NT5C1A: variants seen among roughly 807,000 people sequenced by gnomAD.
NT5C1A encodes the protein cytosolic 5'-nucleotidase 1A.
Under a neutral mutation model 31.0 loss-of-function variants are expected in NT5C1A, and 18 were observed. The ratio of observed to expected loss-of-function variants is 0.58; its 90% CI spans 0.40 to 0.86. NT5C1A has a LOEUF of 0.86. NT5C1A is among the 40% of genes least tolerant of loss of function. The pLI, the probability that NT5C1A is intolerant of heterozygous loss-of-function variation, is 0.00. For synonymous variants in NT5C1A, 185 were observed against 203.6 expected (o/e 0.91, Z 0.78); for missense variants, 470 against 505.4 (o/e 0.93, Z 0.67).
At chr1:39,669,037 T>C (rs999344773) in intron 1 of NT5C1A, among the ~76,000 whole-genome samples, 1 of 152,074 alleles carries the variant, frequency 6.6e-6, no homozygotes, top group Non-Finnish European at 1.5e-5. Flanking sequence ...GAGGTGGCCA[T>C]GTGTTGGCAG....
rs534701922 is a variant in NT5C1A at position 39,663,464 on chromosome 1, G to A, written c.434-30C>T. The stretch of plus-strand genomic sequence containing the variant: ...GAAGGAGGTAAAGGACCCAGGTGAG[G>A]CCAGGGTCAACCCTGGGCTTCAGGG... On this transcript the variant is annotated intron_variant, in intron 3 of 5. Transcript: ENST00000235628. The A allele has an allele frequency of 3.7e-6, 6 of 1,612,518 alleles. No homozygotes were observed. The African/African-American group carries it at 4.0e-5, about 11-fold the overall frequency.
chr1:39,658,319 T>C lies in NT5C1A; in HGVS notation c.*802A>G, dbSNP rs1646473700. ...CAGGTTAGAGAATCACATGAGCAGATAGGTCATCTTGTCCAGTGGTTTCAA... is the reference window on the plus strand; with the variant it reads ...CAGGTTAGAGAATCACATGAGCAGACAGGTCATCTTGTCCAGTGGTTTCAA... On this transcript the variant is annotated 3_prime_UTR_variant, in exon 6 of 6. Coordinates refer to ENST00000235628, the MANE Select transcript of NT5C1A (RefSeq NM_032526.3). Among the ~76,000 whole-genome samples, 1 of 152,216 alleles carries C rather than the reference T, an allele frequency of 6.6e-6. No homozygotes were observed. Among genetic ancestry groups the C allele is most frequent in the South Asian group, 2.1e-4 (1 of 4,828 alleles).
Position 39,663,420 on chromosome 1 carries a change from T to C in NT5C1A, c.448A>G (p.Arg150Gly). The C allele has an allele frequency of 6.2e-7, 1 of 1,613,984 alleles. No homozygotes were observed. Among genetic ancestry groups the C allele is most frequent in the East Asian group, 2.2e-5 (1 of 44,874 alleles). Residue 150 changes from arginine (R) to glycine (G), a missense_variant, in exon 4 of 6, where the codon AGG becomes GGG. Coordinates refer to ENST00000235628, the MANE Select transcript of NT5C1A (RefSeq NM_032526.3). Reference sequence around the variant, plus strand: ...CTGTTCCCACCTGTCATGCAGAACCTCTCGATGAACAGGTCTGGGAAGGAG... The same window carrying C: ...CTGTTCCCACCTGTCATGCAGAACCCCTCGATGAACAGGTCTGGGAAGGAG... ...SINHYDLFIE[R>G]FCMTGGNSPI...
rs918573641 is a variant in NT5C1A, at chr1:39,651,402, C to T, written c.*7719G>A. Among the ~76,000 whole-genome samples the T allele has an allele frequency of 2.6e-5, 4 of 152,112 alleles. No individual in the cohort carries two copies. Among genetic ancestry groups the T allele is most frequent in the African/African-American group, 4.8e-5 (2 of 41,420 alleles). ...TACAAAGAGCCAGACAGGTCTGGAT[C>T]GATGGGGTGTGCTACTAGTAGGCCA... On this transcript the variant is annotated 3_prime_UTR_variant, in exon 6 of 6. Coordinates refer to ENST00000235628, the MANE Select transcript of NT5C1A (RefSeq NM_032526.3).
rs775586267 is a variant in NT5C1A, at chr1:39,666,201, G to A, written c.171C>T (p.Ser57=). 5 of 1,613,620 alleles carry A rather than the reference G, an allele frequency of 3.1e-6. No homozygotes were observed. The highest frequency in any genetic ancestry group is 2.2e-5 in the South Asian group (2 of 91,066). The change falls in exon 2 of 6, where the codon TCC becomes TCT. Residue 57 remains serine, a synonymous_variant. Coordinates refer to ENST00000235628, the MANE Select transcript of NT5C1A (RefSeq NM_032526.3). The part of the protein sequence containing the change: ...KPQNAVTIAV[S]SRALFRMDEE... ...CGTCCATGCGAAACAAGGCTCGGGAGGACACAGCGATGGTGACTGCATTCT... is the reference window on the plus strand; with the variant it reads ...CGTCCATGCGAAACAAGGCTCGGGAAGACACAGCGATGGTGACTGCATTCT...
intron 4 of NT5C1A, among the ~76,000 whole-genome samples, chr1:39,662,600 G>A (rs1018099190): frequency 6.6e-6 from 1 of 152,202 alleles, no homozygotes; most frequent in Non-Finnish European, 1.5e-5. Flanking sequence ...AAGAGGAAGA[G>A]AAAAGTGAAT....
rs1414839519 is a variant in NT5C1A at position 39,658,908 on chromosome 1, A to G, written c.*213T>C. Among the ~76,000 whole-genome samples, 1 of 151,960 alleles carries G rather than the reference A, an allele frequency of 6.6e-6. No individual in the cohort carries two copies. The highest frequency in any genetic ancestry group is 1.5e-5 in the Non-Finnish European group (1 of 67,988). On this transcript the variant is annotated 3_prime_UTR_variant, in exon 6 of 6. Transcript: ENST00000235628. ...CTACTCTGCACAGTCCTACTCTCCT[A>G]CTCAGGATCATGGCACAGAATTTGC...
At position 39,653,025 on chromosome 1, in the gene NT5C1A, C is replaced by T. The variant is rs1017448668; in HGVS notation, c.*6096G>A. ...CATGTCACAATACCAATGGCGCCCTCTAGATTTTTGCAGTGCACAATCTGC... is the reference window on the plus strand; with the variant it reads ...CATGTCACAATACCAATGGCGCCCTTTAGATTTTTGCAGTGCACAATCTGC... On this transcript the variant is annotated 3_prime_UTR_variant, in exon 6 of 6. Coordinates refer to ENST00000235628, the MANE Select transcript of NT5C1A (RefSeq NM_032526.3). 1.3e-5 allele frequency among the ~76,000 whole-genome samples: 2 copies of T among 152,134 alleles called. No homozygotes were observed. The highest frequency in any genetic ancestry group is 1.3e-4 in the Admixed American group (2 of 15,272).
At chr1:39,665,856 T>C (rs973476041) in intron 2 of NT5C1A, among the ~76,000 whole-genome samples, 3 of 152,148 alleles carry the variant, frequency 2.0e-5, no homozygotes, top group Non-Finnish European at 4.4e-5. Flanking sequence ...CGCATTCCAC[T>C]CACCAAGCTG....
At chr1:39,661,287 G>A in intron 4 of NT5C1A, 24 bp from the exon 5 acceptor site, 1 of 1,432,114 alleles carries the variant, frequency 7.0e-7, no homozygotes, top group East Asian at 2.3e-5. Context: ...GGCAAGCATT[G>A]TCTGCCTTCA....
chr1:39,653,651 A>C lies in NT5C1A; in HGVS notation c.*5470T>G, dbSNP rs1419172152. Reference sequence around the variant, plus strand: ...ACTAAGTCAGTGGGAGAGAAAAGTAAATCAGTGGGTAGAATCACTTGACTA... The same window carrying C: ...ACTAAGTCAGTGGGAGAGAAAAGTACATCAGTGGGTAGAATCACTTGACTA... On this transcript the variant is annotated 3_prime_UTR_variant, in exon 6 of 6. Coordinates refer to ENST00000235628, the MANE Select transcript of NT5C1A (RefSeq NM_032526.3). Among the ~76,000 whole-genome samples the C allele has an allele frequency of 6.6e-6, 1 of 152,176 alleles. No homozygotes were observed. The highest frequency in any genetic ancestry group is 2.4e-5 in the African/African-American group (1 of 41,440).
intron 5 of NT5C1A, among the ~76,000 whole-genome samples, chr1:39,660,172 C>CT (rs1646485891): frequency 6.6e-6 from 1 of 152,200 alleles, no homozygotes; most frequent in South Asian, 2.1e-4. Context: ...TGGGCCTCTG[C>CT]TTACCACTTA....
At chr1:39,663,527 G>A in intron 3 of NT5C1A, 93 bp from the exon 4 acceptor site, 1 of 1,346,630 alleles carries the variant, frequency 7.4e-7, no homozygotes, top group Non-Finnish European at 1.0e-6. Flanking sequence ...TCCTAGTTCT[G>A]GGTGTGGTAC....
intron 2 of NT5C1A, 76 bp downstream of exon 2, chr1:39,665,993 C>T (rs2124160178): frequency 2.1e-6 from 3 of 1,410,150 alleles, no homozygotes; most frequent in Non-Finnish European, 2.9e-6. Flanking sequence ...TCACCTTACT[C>T]AAATACTCAT....
rs550824179 is a variant in NT5C1A at position 39,657,208 on chromosome 1, A to G, written c.*1913T>C. 6.6e-6 allele frequency among the ~76,000 whole-genome samples: 1 copy of G among 152,242 alleles called. No individual in the cohort carries two copies. Among genetic ancestry groups the G allele is most frequent in the South Asian group, 2.1e-4 (1 of 4,814 alleles). On this transcript the variant is annotated 3_prime_UTR_variant, in exon 6 of 6. Coordinates refer to ENST00000235628, the MANE Select transcript of NT5C1A (RefSeq NM_032526.3). ...CCTCATGGAGACCTCTGACAATGAC[A>G]GTAAAAACTCAGCCCAGCCTTTCTC... is the stretch of plus-strand genomic sequence containing the variant.
chr1:39,669,335 C>T (rs1341609433), intron 1 of NT5C1A, among the ~76,000 whole-genome samples: 1 of 151,964 alleles, frequency 6.6e-6, no homozygotes, highest in Non-Finnish European at 1.5e-5. Context: ...AGGCAAAAAG[C>T]TGTTATTCCC....
At position 39,655,894 on chromosome 1, in the gene NT5C1A, T is replaced by C. The variant is rs1646456548; in HGVS notation, c.*3227A>G. 6.6e-6 allele frequency among the ~76,000 whole-genome samples: 1 copy of C among 152,212 alleles called. No homozygotes were observed. Among genetic ancestry groups the C allele is most frequent in the South Asian group, 2.1e-4 (1 of 4,832 alleles). ...TTCAAGTTTTAGTCATCAGTTTGGC[T>C]GTACTGGTGCACACCAATTGAGTGT... On this transcript the variant is annotated 3_prime_UTR_variant, in exon 6 of 6. Coordinates refer to ENST00000235628, the MANE Select transcript of NT5C1A (RefSeq NM_032526.3).
chr1:39,666,029 GA>G (rs779594119), intron 2 of NT5C1A, 39 bp downstream of exon 2: 1 of 1,583,350 alleles, frequency 6.3e-7, no homozygotes, highest in Admixed American at 1.7e-5. Flanking sequence ...TAATCCCCAC[GA>G]AGGCGCTATA....
intron 2 of NT5C1A, 45 bp downstream of exon 2, chr1:39,666,024 C>G: frequency 6.4e-7 from 1 of 1,564,266 alleles, no homozygotes. Flanking sequence ...TTTTCTAATC[C>G]CCACGAAGGC....
Sources: gnomAD v4.1 joint callset for allele counts (sites outside exome capture counted in the v4.1 genomes callset) on GRCh38, gnomAD v4.1.1 for gene constraint, MANE v1.5 for transcripts, NCBI Gene and HGNC (gene_info 2026-07-23, HGNC 2026-07-21) for gene names.